The following TGFBR3 variants were observed in gnomAD, a reference collection of about 807,000 sequenced individuals.
TGFBR3 encodes the protein transforming growth factor beta receptor 3.
A neutral mutation model predicts 87.9 loss-of-function variants in TGFBR3; 46 were observed. The observed-to-expected ratio is 0.52, with a 90% CI of 0.41 to 0.67. The LOEUF is 0.67. TGFBR3 is among the 30% of genes least tolerant of loss of function. The probability of loss-of-function intolerance (pLI) is 0.00; values close to 1 mark genes in which losing one functional copy is unlikely to be tolerated. For synonymous variants in TGFBR3, 381 were observed against 391.6 expected (o/e 0.97, Z 0.32); for missense variants, 866 against 1,041.9 (o/e 0.83, Z 2.32).
intron 3 of TGFBR3, among the ~76,000 whole-genome samples, chr1:91,786,633 C>A (rs1674973829): frequency 1.3e-5 from 2 of 151,096 alleles, no homozygotes; most frequent in South Asian, 4.2e-4. Context: ...TGCCTGTAAT[C>A]CCAGCTACCT....
At chr1:91,856,657 G>A (rs534127685) in intron 2 of TGFBR3, among the ~76,000 whole-genome samples, 32 of 152,230 alleles carry the variant, frequency 2.1e-4, no homozygotes, top group Non-Finnish European at 4.0e-4. Context: ...CCTTCCCACC[G>A]ATTTACAGCT....
intron 1 of TGFBR3, among the ~76,000 whole-genome samples, chr1:91,879,080 A>G (rs1309585446): frequency 1.3e-5 from 2 of 151,940 alleles, no homozygotes; most frequent in Non-Finnish European, 2.9e-5. Flanking sequence ...ACCAGCCTGG[A>G]CAACATGGCA....
Position 91,797,284 on chromosome 1 carries a change from T to A in TGFBR3, c.246+3A>T. On this transcript the variant is annotated splice_donor_region_variant and intron_variant, in intron 3 of 16. Coordinates refer to ENST00000212355, the MANE Select transcript of TGFBR3 (RefSeq NM_003243.5). ...TGGGCTGAGAGCTGACACCTGCACC[T>A]ACCTCTCTCTGTAGCTGGCCAGGCC... is the stretch of plus-strand genomic sequence containing the variant. The A allele has an allele frequency of 6.2e-7, 1 of 1,614,054 alleles. No individual in the cohort carries two copies. The highest frequency in any genetic ancestry group is 1.1e-5 in the South Asian group (1 of 91,060).
intron 4 of TGFBR3, among the ~76,000 whole-genome samples, chr1:91,757,905 G>A (rs1283316823): frequency 6.6e-6 from 1 of 152,158 alleles, no homozygotes; most frequent in Non-Finnish European, 1.5e-5. Flanking sequence ...TAGGACATTA[G>A]CCTGCAGCTC....
intron 16 of TGFBR3, among the ~76,000 whole-genome samples, chr1:91,687,539 A>C (rs899350286): frequency 3.9e-5 from 6 of 152,206 alleles, no homozygotes; most frequent in Non-Finnish European, 2.9e-5. Flanking sequence ...AAAGATGTGA[A>C]TAGCATGGGA....
intron 4 of TGFBR3, among the ~76,000 whole-genome samples, chr1:91,753,732 C>A (rs1661096839): frequency 6.6e-6 from 1 of 152,166 alleles, no homozygotes; most frequent in Non-Finnish European, 1.5e-5. Flanking sequence ...TGGCTTCTTT[C>A]ACTTAGTATA....
At chr1:91,715,467 A>G (rs1672132728) in intron 12 of TGFBR3, among the ~76,000 whole-genome samples, 1 of 152,184 alleles carries the variant, frequency 6.6e-6, no homozygotes. Context: ...TAAAATGAAG[A>G]TATTATTAGC....
intron 16 of TGFBR3, among the ~76,000 whole-genome samples, chr1:91,687,603 G>A (rs1035315956): frequency 4.6e-5 from 7 of 152,102 alleles, no homozygotes; most frequent in African/African-American, 1.7e-4. Flanking sequence ...GGGCAAGCTT[G>A]GTATTTAGGC....
chr1:91,708,234 G>C (rs1671860530), intron 14 of TGFBR3, among the ~76,000 whole-genome samples: 2 of 152,192 alleles, frequency 1.3e-5, no homozygotes, highest in Non-Finnish European at 2.9e-5. Flanking sequence ...TATTCTCAAA[G>C]GCATTTGCAA....
At chr1:91,903,958 G>A (rs2101355569) in intron 1 of TGFBR3, among the ~76,000 whole-genome samples, 1 of 152,162 alleles carries the variant, frequency 6.6e-6, no homozygotes, top group Middle Eastern at 3.4e-3. Flanking sequence ...CAGACTGCCT[G>A]AGCTCAGGAG....
chr1:91,888,816 G>A (rs1017579921), upstream of TGFBR3, among the ~76,000 whole-genome samples: 36 of 152,298 alleles, frequency 2.4e-4, no homozygotes, highest in Admixed American at 7.2e-4. Context: ...ACTGGTCCCC[G>A]TAGAGCCAGA....
chr1:91,823,767 G>C (rs1676536633), intron 2 of TGFBR3, among the ~76,000 whole-genome samples: 1 of 152,202 alleles, frequency 6.6e-6, no homozygotes, highest in African/African-American at 2.4e-5. Context: ...AAAATTCTCT[G>C]TATCTTGATT....
At chr1:91,802,088 G>A (rs1349238403) in intron 2 of TGFBR3, among the ~76,000 whole-genome samples, 1 of 152,198 alleles carries the variant, frequency 6.6e-6, no homozygotes, top group Non-Finnish European at 1.5e-5. Flanking sequence ...AATCAGGGGA[G>A]AGGGTTTCCT....
Position 91,694,983 on chromosome 1 carries a change from A to G in TGFBR3, c.2437+689T>C, listed in dbSNP as rs144309012. Among the ~76,000 whole-genome samples the G allele has an allele frequency of 1.8e-3, 269 of 152,192 alleles. 1 individual carries two copies. Among genetic ancestry groups the G allele is most frequent in the African/African-American group, 6.4e-3 (264 of 41,534 alleles). Reference sequence around the variant, plus strand: ...CTCCCTTTGCTGGCCTGCATTCTGTATTGGGGTCAGAACAGGTTCTCTCAT... The same window carrying G: ...CTCCCTTTGCTGGCCTGCATTCTGTGTTGGGGTCAGAACAGGTTCTCTCAT... On this transcript the variant is annotated intron_variant, in intron 16 of 16. Transcript: ENST00000212355.
chr1:91,873,468 G>A (rs1354041374), intron 1 of TGFBR3, among the ~76,000 whole-genome samples: 4 of 150,736 alleles, frequency 2.7e-5, no homozygotes, highest in African/African-American at 9.7e-5. Flanking sequence ...TTTTTTTTTA[G>A]TAAAGATGGG....
In TGFBR3 at chr1:91,729,812, G is replaced by A. The variant is rs1351920257; in HGVS notation, c.730C>T (p.Pro244Ser). The A allele has an allele frequency of 3.1e-6, 5 of 1,614,116 alleles. No individual in the cohort carries two copies. The highest frequency in any genetic ancestry group is 4.2e-6 in the Non-Finnish European group (5 of 1,180,010). The change falls in exon 6 of 17, where the codon CCC (proline) becomes TCC (serine). Residue 244 changes from proline (P) to serine (S), a missense_variant. Transcript: ENST00000212355. ...ACACTTAGACTCACTTACCTGTAGG[G>A]GTTAGAGTTGGGGGTGATTAGCTCG... ...IIELITPNSN[P>S]YSAFQVDITI...
chr1:91,811,178 G>A (rs1190149933), intron 2 of TGFBR3, among the ~76,000 whole-genome samples: 1 of 152,138 alleles, frequency 6.6e-6, no homozygotes, highest in African/African-American at 2.4e-5. Context: ...AGGCATGGTG[G>A]TGCACACCTG....
rs1027820310 is a variant in TGFBR3, at chr1:91,712,455, G to A, written c.1954C>T (p.His652Tyr). Reference protein sequence around the residue: ...SPYSNPDRMSHYTIIENICPK... With the variant: ...SPYSNPDRMSYYTIIENICPK... ...CAAATATTCTCAATAATGGTGTAAT[G>A]AGACATCCTATCAGGGTTCGAATAT... Residue 652 changes from histidine (H) to tyrosine (Y), a missense_variant, in exon 13 of 17, where the codon CAT becomes TAT. His to Tyr is a moderately conservative substitution (Grantham distance 83). Transcript: ENST00000212355. The A allele has an allele frequency of 1.9e-6, 3 of 1,614,144 alleles. No homozygotes were observed. The highest frequency in any genetic ancestry group is 4.5e-5 in the East Asian group (2 of 44,882).
chr1:91,737,727 G>A (rs1350408983), intron 4 of TGFBR3, among the ~76,000 whole-genome samples: 3 of 152,048 alleles, frequency 2.0e-5, no homozygotes. Context: ...GCTTTTTCAG[G>A]GCAACACCCC....
Sources: gnomAD v4.1 joint callset for allele counts (sites outside exome capture counted in the v4.1 genomes callset) on GRCh38, gnomAD v4.1.1 for gene constraint, MANE v1.5 for transcripts, NCBI Gene and HGNC (gene_info 2026-07-23, HGNC 2026-07-21) for gene names.